The following ICA1 variants were observed in gnomAD, a reference collection of about 807,000 sequenced individuals.
ICA1 encodes the protein islet cell autoantigen 1, also known as 69 kDa islet cell autoantigen.
ICA1 carries 40 observed loss-of-function variants against 71.0 expected under a neutral mutation model. The observed-to-expected ratio is 0.56, with a 90% CI of 0.44 to 0.73. ICA1 has a LOEUF of 0.73. Among genes scored for constraint, ICA1 ranks in the 30% least tolerant of loss-of-function variants. ICA1 has a pLI of 0.00. For missense variants in ICA1, 578 were observed against 576.5 expected (o/e 1.00, Z -0.03); for synonymous variants, 207 against 209.5 (o/e 0.99, Z 0.10).
chr7:8,202,869 C>CGCAT (rs36024764), intron 6 of ICA1, among the ~76,000 whole-genome samples: 6 of 8,636 alleles, frequency 6.9e-4, no homozygotes, highest in African/African-American at 1.7e-3. Flanking sequence ...ATAGACACAC[C>CGCAT]GCACGAATGG....
chr7:8,113,839 G>A lies in ICA1; in HGVS notation c.*84C>T. ...AAAATGGCACATAATTATTAAAACA[G>A]CATACTGATCACTTTATACTTCTGC... On this transcript the variant is annotated 3_prime_UTR_variant, in exon 14 of 14. Coordinates refer to ENST00000402384, the MANE Select transcript of ICA1 (RefSeq NM_001136020.3). The surrounding 1 kb of genome is among the most constrained non-coding windows in gnomAD (Gnocchi z 4.2). The A allele has an allele frequency of 7.1e-7, 1 of 1,410,372 alleles. No individual in the cohort carries two copies. The highest frequency in any genetic ancestry group is 1.0e-6 in the Non-Finnish European group (1 of 999,360). 87.4% of individuals were successfully genotyped at this position (1,410,372 alleles called of 1,614,324 possible).
At chr7:8,246,850 G>A (rs1455119815) in intron 1 of ICA1, among the ~76,000 whole-genome samples, 1 of 152,148 alleles carries the variant, frequency 6.6e-6, no homozygotes, top group South Asian at 2.1e-4. Flanking sequence ...GGGTTCAAGC[G>A]ATTCTCTTGC....
chr7:8,128,467 G>C (rs952574893), intron 12 of ICA1, among the ~76,000 whole-genome samples: 3 of 152,172 alleles, frequency 2.0e-5, no homozygotes, highest in African/African-American at 7.2e-5. Context: ...TTGAAAACAT[G>C]TTGGAGATCT....
At chr7:8,216,215 G>A (rs920783925) in intron 6 of ICA1, among the ~76,000 whole-genome samples, 3 of 152,214 alleles carry the variant, frequency 2.0e-5, no homozygotes, top group African/African-American at 4.8e-5. Flanking sequence ...TGTTATGTAT[G>A]TGCTCATTTG....
chr7:8,124,111 A>ATTTTTTTTTTTTTT, intron 13 of ICA1, among the ~76,000 whole-genome samples: 1 of 107,412 alleles, frequency 9.3e-6, no homozygotes, highest in Non-Finnish European at 1.8e-5. Context: ...GAATCATACA[A>ATTTTTTTTTTTTTT]TTTTTTTTTT....
Position 8,162,939 on chromosome 7 carries a change from T to C in ICA1, c.580-4287A>G, listed in dbSNP as rs1423605720. Among the ~76,000 whole-genome samples the C allele has an allele frequency of 2.0e-5, 3 of 152,240 alleles. No homozygotes were observed. In the East Asian group the frequency reaches 5.8e-4, roughly 29 times the overall value. ...CCACCACGCCTGGCTAATTTTTGTATTTTTAGTAGAGATACGGTTTCACCA... is the reference window on the plus strand; with the variant it reads ...CCACCACGCCTGGCTAATTTTTGTACTTTTAGTAGAGATACGGTTTCACCA... On this transcript the variant is annotated intron_variant, in intron 6 of 13. Transcript: ENST00000402384.
At chr7:8,186,548 T>C (rs747163971) in intron 6 of ICA1, among the ~76,000 whole-genome samples, 2 of 152,114 alleles carry the variant, frequency 1.3e-5, no homozygotes, top group Non-Finnish European at 2.9e-5. Flanking sequence ...TAGGCTGCTA[T>C]ACAAATGGAG....
At chr7:8,252,965 C>T (rs770552331) in intron 1 of ICA1, among the ~76,000 whole-genome samples, 3 of 152,104 alleles carry the variant, frequency 2.0e-5, no homozygotes, top group Non-Finnish European at 4.4e-5. Context: ...CCCACCTCAG[C>T]CTCCTGAGTA....
chr7:8,128,065 A>G lies in ICA1; in HGVS notation c.1138T>C (p.Phe380Leu). Residue 380 changes from phenylalanine to leucine, a missense_variant, in exon 13 of 14, where the codon TTC (phenylalanine) becomes CTC (leucine). Physicochemically the swap from Phe to Leu is conservative, Grantham distance 22. Transcript: ENST00000402384. ...CCCTCTTCCAAGGAGGAAGCATTGA[A>G]GATCTCACTCAACAGCAGCAGGTCA... is the stretch of plus-strand genomic sequence containing the variant. Reference protein sequence around the residue: ...KDDLLLLSEIFNASSLEEGEF... With the variant: ...KDDLLLLSEILNASSLEEGEF... 6.2e-7 allele frequency: 1 copy of G among 1,614,236 alleles called. No individual in the cohort carries two copies. Among genetic ancestry groups the G allele is most frequent in the South Asian group, 1.1e-5 (1 of 91,090 alleles).
At chr7:8,220,530 TGTTA>T (rs1796720607) in intron 5 of ICA1, among the ~76,000 whole-genome samples, 1 of 152,168 alleles carries the variant, frequency 6.6e-6, no homozygotes, top group Admixed American at 6.5e-5. Context: ...TTTGGGGGTT[TGTTA>T]GTTACTGGGA....
intron 6 of ICA1, among the ~76,000 whole-genome samples, chr7:8,208,426 T>C (rs78828287): frequency 9.1e-6 from 1 of 110,276 alleles, no homozygotes. Context: ...AAAATAAAAA[T>C]AAAAAGTAAT....
At chr7:8,178,173 T>G (rs1584941578) in intron 6 of ICA1, among the ~76,000 whole-genome samples, 1 of 152,344 alleles carries the variant, frequency 6.6e-6, no homozygotes, top group Non-Finnish European at 1.5e-5. Context: ...CCCTTCCATG[T>G]TGTTCCCATT....
At chr7:8,240,655 A>T (rs1356876186) in intron 1 of ICA1, among the ~76,000 whole-genome samples, 1 of 152,150 alleles carries the variant, frequency 6.6e-6, no homozygotes, top group African/African-American at 2.4e-5. Flanking sequence ...AAGGAAGCTA[A>T]AAACCTTGAA....
intron 6 of ICA1, among the ~76,000 whole-genome samples, chr7:8,159,622 C>T (rs4370425): frequency 0.24 from 36,173 of 151,828 alleles, 4,899 homozygotes; most frequent in African/African-American, 0.38. Context: ...ATCACTTGAG[C>T]GTGGGAGGTG....
chr7:8,119,335 A>G lies in ICA1; in HGVS notation c.1331-5291T>C, dbSNP rs75349947. ...GAACTCAAACAAGATCATTCTTCCCATTTCAAAAACATGCACGACACTCAG... is the reference window on the plus strand; with the variant it reads ...GAACTCAAACAAGATCATTCTTCCCGTTTCAAAAACATGCACGACACTCAG... On this transcript the variant is annotated intron_variant, in intron 13 of 13. Coordinates refer to ENST00000402384, the MANE Select transcript of ICA1 (RefSeq NM_001136020.3). Among the ~76,000 whole-genome samples, 1,055 of 152,298 alleles carry G rather than the reference A, an allele frequency of 6.9e-3. 10 individuals are homozygous for G. The highest frequency in any genetic ancestry group is 0.023 in the African/African-American group (940 of 41,542).
intron 1 of ICA1, among the ~76,000 whole-genome samples, chr7:8,249,996 G>C (rs192952255): frequency 6.6e-6 from 1 of 152,330 alleles, no homozygotes; most frequent in Non-Finnish European, 1.5e-5. Context: ...TTGTGATCCA[G>C]GGAGGAACAC....
chr7:8,179,177 G>C (rs1584949836), intron 6 of ICA1, among the ~76,000 whole-genome samples: 1 of 152,182 alleles, frequency 6.6e-6, no homozygotes, highest in African/African-American at 2.4e-5. Context: ...TGACTTCTTA[G>C]AGGACAGCCA....
chr7:8,125,776 G>C (rs952455859), intron 13 of ICA1, among the ~76,000 whole-genome samples: 5 of 152,224 alleles, frequency 3.3e-5, no homozygotes, highest in African/African-American at 1.2e-4. Flanking sequence ...TAAAGTGCTA[G>C]TAGGATGGCA....
intron 9 of ICA1, 135 bp downstream of exon 9, chr7:8,143,740 G>T: frequency 1.6e-6 from 1 of 616,924 alleles, no homozygotes; most frequent in Non-Finnish European, 2.9e-6. Context: ...TGGCTGGGAT[G>T]CTAATACATC....
Sources: allele counts gnomAD v4.1 joint callset (sites outside exome capture counted in the v4.1 genomes callset), GRCh38; gene constraint gnomAD v4.1.1; non-coding constraint Gnocchi (gnomAD v3.1); transcripts MANE v1.5; gene names NCBI Gene and HGNC (gene_info 2026-07-23, HGNC 2026-07-21).